Variants in CACHD1 observed in about 807,000 individuals in gnomAD.
The protein encoded by CACHD1 is VWFA and cache domain-containing protein 1.
CACHD1 carries 71 observed loss-of-function variants against 138.7 expected under a neutral mutation model. That is an observed-to-expected ratio of 0.51 (90% CI 0.42 to 0.62). The LOEUF is 0.62. CACHD1 is among the 20% of genes least tolerant of loss of function. The pLI is 0.00. For missense variants in CACHD1, 1,389 were observed against 1,625.3 expected, an observed-to-expected ratio of 0.85 and a Z score of 2.50; for synonymous variants, 578 against 591.5, an observed-to-expected ratio of 0.98 and a Z score of 0.33.
chr1:64,569,715 C>T (rs1024206312), intron 2 of CACHD1, among the ~76,000 whole-genome samples: 2 of 152,196 alleles, frequency 1.3e-5, no homozygotes, highest in South Asian at 2.1e-4. Flanking sequence ...CATAGCTCTG[C>T]GATCTATGTA....
intron 13 of CACHD1, among the ~76,000 whole-genome samples, chr1:64,660,810 G>A (rs1557544546): frequency 6.6e-6 from 1 of 152,086 alleles, no homozygotes; most frequent in South Asian, 2.1e-4. Context: ...GATTACAGGC[G>A]CCACTGTGCC....
rs1317784049 is a variant in CACHD1 at position 64,533,175 on chromosome 1, G to GT, written c.199-17418dup. On this transcript the variant is annotated intron_variant, in intron 1 of 26. Transcript: ENST00000651257. ...GTTTGAGACCAACCTGGTCAACATGGTGAAACCCCGTCTCTACTAAAAATA... is the reference window on the plus strand; with the variant it reads ...GTTTGAGACCAACCTGGTCAACATGGTTGAAACCCCGTCTCTACTAAAAATA... Among the ~76,000 whole-genome samples the GT allele has an allele frequency of 6.6e-5, 10 of 152,296 alleles. 1 individual carries two copies. The East Asian group carries it at 1.9e-3, about 29-fold the overall frequency.
chr1:64,648,172 C>A, intron 9 of CACHD1, 138 bp downstream of exon 9: 1 of 662,716 alleles, frequency 1.5e-6, no homozygotes, highest in Non-Finnish European at 2.6e-6. Context: ...CAGCAGAAAT[C>A]CCCAGCCCAG....
chr1:64,663,811 CGCCTCATTGCTAACCCGG>C lies in CACHD1; in HGVS notation c.2075_2092del (p.Ile692_Leu697del). ...CACCGCCTATCTCAGCGACAACACC[CGCCTCATTGCTAACCCGG>C]GCCTCAAAGTAAGCATTGGCGCAGA... On this transcript the variant is annotated inframe_deletion, in exon 14 of 27. Coordinates refer to ENST00000651257, the MANE Select transcript of CACHD1 (RefSeq NM_020925.4). 1 of 1,614,104 alleles carries C rather than the reference CGCCTCATTGCTAACCCGG, an allele frequency of 6.2e-7. No homozygotes were observed. The highest frequency in any genetic ancestry group is 8.5e-7 in the Non-Finnish European group (1 of 1,180,002).
At chr1:64,527,309 G>T in intron 1 of CACHD1, among the ~76,000 whole-genome samples, 1 of 152,206 alleles carries the variant, frequency 6.6e-6, no homozygotes, top group East Asian at 1.9e-4. Context: ...CATTTCTAAA[G>T]AGTGCTGTTT....
At chr1:64,686,202 A>T (rs984612437) in intron 26 of CACHD1, among the ~76,000 whole-genome samples, 1 of 152,162 alleles carries the variant, frequency 6.6e-6, no homozygotes, top group African/African-American at 2.4e-5. Flanking sequence ...GCGTATTTCC[A>T]TGTGAATCCT....
At chr1:64,620,955 A>G (rs77986818) in intron 4 of CACHD1, among the ~76,000 whole-genome samples, 1 of 152,080 alleles carries the variant, frequency 6.6e-6, no homozygotes, top group Non-Finnish European at 1.5e-5. Context: ...AAAGATTCCC[A>G]CTACACAGTC....
chr1:64,629,393 T>G lies in CACHD1; in HGVS notation c.556T>G (p.Trp186Gly), dbSNP rs1294870608. 6.2e-7 allele frequency: 1 copy of G among 1,613,964 alleles called. No homozygotes were observed. Among genetic ancestry groups the G allele is most frequent in the Non-Finnish European group, 8.5e-7 (1 of 1,179,976 alleles). The change falls in exon 5 of 27, where the codon TGG becomes GGG. Residue 186 changes from tryptophan to glycine, a missense_variant. Trp to Gly is a radical substitution (Grantham distance 184). Coordinates refer to ENST00000651257, the MANE Select transcript of CACHD1 (RefSeq NM_020925.4). ...DNLKSNPGIK[W>G]QYFSSEEGIF... is the part of the protein sequence containing the mutation. Reference sequence around the variant, plus strand: ...CCTGAAATCCAACCCTGGAATTAAGTGGCAATATTTCAGTTCAGAAGAAGG... The same window carrying G: ...CCTGAAATCCAACCCTGGAATTAAGGGGCAATATTTCAGTTCAGAAGAAGG...
rs1275662198 is a variant in CACHD1 at position 64,692,982 on chromosome 1, A to G, written c.*1421A>G. The G allele has an allele frequency of 1.3e-5, 2 of 152,664 alleles. No homozygotes were observed. The highest frequency in any genetic ancestry group is 2.9e-5 in the Non-Finnish European group (2 of 68,034). 9.5% of individuals were successfully genotyped at this position (152,664 alleles called of 1,614,324 possible). A position where few individuals can be genotyped will look rare whatever the true frequency, so the allele number is the denominator to read the frequency against. On this transcript the variant is annotated 3_prime_UTR_variant, in exon 27 of 27. Coordinates refer to ENST00000651257, the MANE Select transcript of CACHD1 (RefSeq NM_020925.4). ...CAGCAGTACAGAAAGTAAACTATAT[A>G]TGTGCTATCAGGAAACCCCTTCATA...
intron 5 of CACHD1, among the ~76,000 whole-genome samples, chr1:64,630,938 C>A (rs1478518199): frequency 1.3e-5 from 2 of 152,198 alleles, no homozygotes; most frequent in African/African-American, 4.8e-5. Context: ...ATCCACATTT[C>A]TCTCTGATAG....
In CACHD1 at chr1:64,509,399, G is replaced by GT. The variant is rs569703639; in HGVS notation, c.198+38457_198+38458insT. 3.0e-3 allele frequency among the ~76,000 whole-genome samples: 457 copies of GT among 152,252 alleles called. 3 individuals carry two copies. The highest frequency in any genetic ancestry group is 0.011 in the African/African-American group (442 of 41,544). ...TCCCAGGCCATAATAAGGAATTGAT[G>GT]AAAGAGCACCATCTTTAATCCTTTC... is the stretch of plus-strand genomic sequence containing the variant. On this transcript the variant is annotated intron_variant, in intron 1 of 26. Coordinates refer to ENST00000651257, the MANE Select transcript of CACHD1 (RefSeq NM_020925.4).
At chr1:64,608,519 C>T (rs1254740397) in intron 4 of CACHD1, among the ~76,000 whole-genome samples, 1 of 152,186 alleles carries the variant, frequency 6.6e-6, no homozygotes, top group African/African-American at 2.4e-5. Context: ...AGCAGACTCA[C>T]ATAAATTATA....
At chr1:64,572,742 G>C (rs552185381) in intron 2 of CACHD1, among the ~76,000 whole-genome samples, 258 of 152,218 alleles carry the variant, frequency 1.7e-3, no homozygotes, top group Middle Eastern at 6.8e-3. Flanking sequence ...CCTCTCGCAG[G>C]ATCAGGGTAT....
In CACHD1 at chr1:64,547,818, G is replaced by T. The variant is rs1646728980; in HGVS notation, c.199-2776G>T. On this transcript the variant is annotated intron_variant, in intron 1 of 26. Coordinates refer to ENST00000651257, the MANE Select transcript of CACHD1 (RefSeq NM_020925.4). ...CCCAACTACTTGAGGAAGGAGAAGG[G>T]GTAAAAAAAATGTTTTGCTTTGGTG... Among the ~76,000 whole-genome samples the T allele has an allele frequency of 2.1e-5, 3 of 139,956 alleles. No homozygotes were observed. The South Asian group carries it at 6.2e-4, about 29-fold the overall frequency. 91.8% of individuals were successfully genotyped at this position (139,956 alleles called of 152,430 possible). A position where few individuals can be genotyped will look rare whatever the true frequency, so the allele number is the denominator to read the frequency against.
chr1:64,627,158 G>C (rs1449035101), intron 4 of CACHD1, among the ~76,000 whole-genome samples: 3 of 152,124 alleles, frequency 2.0e-5, no homozygotes, highest in Admixed American at 6.6e-5. Context: ...TGTAATCCTA[G>C]TACTTTGAGA....
chr1:64,591,179 T>TA (rs1647097332), intron 3 of CACHD1, among the ~76,000 whole-genome samples: 1 of 152,192 alleles, frequency 6.6e-6, no homozygotes, highest in Non-Finnish European at 1.5e-5. Flanking sequence ...CAGCAAGACT[T>TA]ACAGAGGTTA....
rs1650600946 is a variant in CACHD1, at chr1:64,692,680, C to G, written c.*1119C>G. ...CGGTTAAAAGCTGCTGCCAGTTAGC[C>G]AAGACATTATCCACCAAATTGCTTT... is the stretch of plus-strand genomic sequence containing the variant. On this transcript the variant is annotated 3_prime_UTR_variant, in exon 27 of 27. Transcript: ENST00000651257. 6.6e-6 allele frequency: 1 copy of G among 151,954 alleles called. No homozygotes were observed. The highest frequency in any genetic ancestry group is 1.5e-5 in the Non-Finnish European group (1 of 67,988). The allele number at this position is 151,954 out of a possible 1,614,324, so 9.4% of individuals were successfully genotyped here.
At chr1:64,632,133 C>G (rs17126798) in intron 5 of CACHD1, among the ~76,000 whole-genome samples, 6,907 of 151,544 alleles carry the variant, frequency 0.046, 551 homozygotes, top group African/African-American at 0.16. Flanking sequence ...TTTAGCAAAA[C>G]AGGTACACTG....
chr1:64,542,627 A>T (rs1280732710), intron 1 of CACHD1, among the ~76,000 whole-genome samples: 2 of 152,106 alleles, frequency 1.3e-5, no homozygotes, highest in Non-Finnish European at 2.9e-5. Context: ...GAAAGGAAAA[A>T]TATATATTTT....
Sources: gnomAD v4.1 joint callset for allele counts (sites outside exome capture counted in the v4.1 genomes callset) on GRCh38, gnomAD v4.1.1 for gene constraint, MANE v1.5 for transcripts, NCBI Gene and HGNC (gene_info 2026-07-23, HGNC 2026-07-21) for gene names.